Variants in CCDC138 observed in about 807,000 individuals in gnomAD.
CCDC138 encodes the protein coiled-coil domain-containing protein 138.
In CCDC138, 66 loss-of-function variants were observed where a neutral mutation model predicts 82.3. The observed-to-expected ratio is 0.80, with a 90% CI of 0.66 to 0.98. The LOEUF (loss-of-function observed/expected upper bound fraction) is 0.98. CCDC138 is among the 50% of genes least tolerant of loss of function. CCDC138 has a pLI of 0.00. For missense variants in CCDC138, 816 were observed against 758.9 expected (o/e 1.08, Z -0.88); for synonymous variants, 297 against 265.4 (o/e 1.12, Z -1.16).
intron 14 of CCDC138, among the ~76,000 whole-genome samples, 155 bp downstream of exon 14, chr2:108,873,744 T>G (rs1364089734): frequency 6.6e-6 from 1 of 152,182 alleles, no homozygotes; most frequent in African/African-American, 2.4e-5. Context: ...TAACGATAGC[T>G]GATGTGCTAA....
At chr2:108,839,755 G>A (rs995302186) in intron 11 of CCDC138, among the ~76,000 whole-genome samples, 1 of 151,436 alleles carries the variant, frequency 6.6e-6, no homozygotes, top group African/African-American at 2.4e-5. Flanking sequence ...AGTTTTAGGA[G>A]TTTTCTTGAA....
At chr2:108,876,946 T>TTTA (rs1696060309), downstream of CCDC138, among the ~76,000 whole-genome samples, 1 of 152,160 alleles carries the variant, frequency 6.6e-6, no homozygotes, top group Admixed American at 6.5e-5. Flanking sequence ...GAAGTAAAGG[T>TTTA]GGTAAAACTT....
intron 7 of CCDC138, among the ~76,000 whole-genome samples, chr2:108,806,440 T>C (rs1682893164): frequency 6.6e-6 from 1 of 152,224 alleles, no homozygotes; most frequent in Non-Finnish European, 1.5e-5. Flanking sequence ...TATGAGCTAA[T>C]GTGTACAAAC....
At chr2:108,878,655 GAAA>G (rs972414719), downstream of CCDC138, among the ~76,000 whole-genome samples, 3 of 152,044 alleles carry the variant, frequency 2.0e-5, no homozygotes, top group Admixed American at 2.0e-4. Context: ...CCTTTTATTT[GAAA>G]AAAATTGTTT....
At chr2:108,817,279 G>C (rs528978068) in intron 10 of CCDC138, among the ~76,000 whole-genome samples, 1 of 152,028 alleles carries the variant, frequency 6.6e-6, no homozygotes, top group East Asian at 1.9e-4. Context: ...ATGAGACATG[G>C]AATTCAGATA....
intron 11 of CCDC138, among the ~76,000 whole-genome samples, chr2:108,840,079 T>G (rs927282751): frequency 1.3e-5 from 2 of 152,250 alleles, no homozygotes; most frequent in South Asian, 4.1e-4. Flanking sequence ...TCGTGTTGAA[T>G]TTTTTTAGAT....
In CCDC138 at chr2:108,839,194, C is replaced by T. The variant is rs1405119455; in HGVS notation, c.1216C>T (p.Leu406=). 6.2e-7 allele frequency: 1 copy of T among 1,606,466 alleles called. No homozygotes were observed. The highest frequency in any genetic ancestry group is 1.3e-5 in the African/African-American group (1 of 74,668). ...IQEKCVKLLP[L]MTEQLQWMPF... Reference sequence around the variant, plus strand: ...ATCATTTTATCTTTAGCTTTTGCCTCTAATGACAGAGCAGCTACAGTGGAT... The same window carrying T: ...ATCATTTTATCTTTAGCTTTTGCCTTTAATGACAGAGCAGCTACAGTGGAT... Residue 406 remains leucine (L), a synonymous_variant, in exon 11 of 15, where the codon CTA becomes TTA. Transcript: ENST00000295124.
chr2:108,811,528 C>T (rs1683874194), intron 7 of CCDC138, among the ~76,000 whole-genome samples: 2 of 152,064 alleles, frequency 1.3e-5, no homozygotes, highest in Non-Finnish European at 2.9e-5. Flanking sequence ...CAGGTGTGAG[C>T]TACTGCACTC....
At chr2:108,863,895 A>G (rs560345915) in intron 13 of CCDC138, among the ~76,000 whole-genome samples, 20 of 152,362 alleles carry the variant, frequency 1.3e-4, no homozygotes, top group African/African-American at 4.1e-4. Flanking sequence ...TTTTAGCCAT[A>G]TATTTGCTAC....
chr2:108,847,057 T>C, intron 12 of CCDC138, 127 bp downstream of exon 12: 2 of 628,230 alleles, frequency 3.2e-6, no homozygotes, highest in Non-Finnish European at 5.5e-6. Context: ...TTATAATGGT[T>C]ACACATTATA....
intron 11 of CCDC138, among the ~76,000 whole-genome samples, chr2:108,846,289 G>A (rs530260351): frequency 1.3e-5 from 2 of 152,054 alleles, no homozygotes; most frequent in Admixed American, 6.6e-5. Context: ...TTTTTAAGTT[G>A]ATAAAATTGT....
chr2:108,840,503 A>G (rs1431767228), intron 11 of CCDC138, among the ~76,000 whole-genome samples: 1 of 152,166 alleles, frequency 6.6e-6, no homozygotes, highest in Non-Finnish European at 1.5e-5. Context: ...TAAGTTCTTT[A>G]ATAGTTACAG....
chr2:108,846,768 T>C lies in CCDC138; in HGVS notation c.1354T>C (p.Leu452=), dbSNP rs758488410. 2.4e-5 allele frequency: 38 copies of C among 1,612,270 alleles called. No homozygotes were observed. Among genetic ancestry groups the C allele is most frequent in the African/African-American group, 1.6e-4 (12 of 74,834 alleles). Residue 452 remains leucine (L), a synonymous_variant, in exon 12 of 15, where the codon TTG becomes CTG. Transcript: ENST00000295124. ...HSTMTSTLRR[L]GEDIFKGVVT... is the part of the protein sequence containing the mutation. ...GACTATGACATCAACATTGAGGAGA[T>C]TGGGTGAAGACATTTTTAAAGGAGT... is the stretch of plus-strand genomic sequence containing the variant.
At chr2:108,829,784 T>C (rs1252306478) in intron 10 of CCDC138, among the ~76,000 whole-genome samples, 1 of 152,068 alleles carries the variant, frequency 6.6e-6, no homozygotes, top group Non-Finnish European at 1.5e-5. Flanking sequence ...TACATACAAG[T>C]GTTGGCAAGG....
At chr2:108,837,710 A>T (rs1003407626) in intron 10 of CCDC138, among the ~76,000 whole-genome samples, 1 of 152,108 alleles carries the variant, frequency 6.6e-6, no homozygotes, top group Non-Finnish European at 1.5e-5. Flanking sequence ...ATAAACAACC[A>T]TGTTACTGGT....
At chr2:108,849,715 G>C (rs75255750) in intron 12 of CCDC138, among the ~76,000 whole-genome samples, 9,394 of 152,304 alleles carry the variant, frequency 0.062, 357 homozygotes, top group South Asian at 0.15. Context: ...ACAAGGAAGA[G>C]ATACAAGAGT....
intron 12 of CCDC138, among the ~76,000 whole-genome samples, chr2:108,854,622 A>T (rs1032822648): frequency 1.3e-5 from 2 of 152,154 alleles, no homozygotes; most frequent in African/African-American, 4.8e-5. Flanking sequence ...TTAGTGGCTT[A>T]GCTCAACCAC....
intron 10 of CCDC138, among the ~76,000 whole-genome samples, chr2:108,818,711 A>G (rs1653438356): frequency 6.6e-6 from 1 of 151,980 alleles, no homozygotes; most frequent in East Asian, 1.9e-4. Flanking sequence ...TTGTTATCGG[A>G]CTCTGTTAAC....
intron 10 of CCDC138, among the ~76,000 whole-genome samples, chr2:108,830,654 A>G (rs1687410264): frequency 6.6e-6 from 1 of 151,906 alleles, no homozygotes; most frequent in East Asian, 1.9e-4. Flanking sequence ...TAAAAAATAG[A>G]AAAACTAGCT....
Sources: allele counts gnomAD v4.1 joint callset (sites outside exome capture counted in the v4.1 genomes callset), GRCh38; gene constraint gnomAD v4.1.1; transcripts MANE v1.5; gene names NCBI Gene and HGNC (gene_info 2026-07-23, HGNC 2026-07-21).